Variants in UNC79 observed in about 807,000 individuals in gnomAD.
UNC79 encodes unc-79 subunit of NALCN channel complex.
Under a neutral mutation model 283.1 loss-of-function variants are expected in UNC79, and 37 were observed. That is an observed-to-expected ratio of 0.13 (90% CI 0.10 to 0.17). The LOEUF (loss-of-function observed/expected upper bound fraction) is 0.17. Among genes scored for constraint, UNC79 ranks in the 10% least tolerant of loss-of-function variants. The probability of loss-of-function intolerance (pLI) is 1.00; values close to 1 mark genes in which losing one functional copy is unlikely to be tolerated. For synonymous variants in UNC79, 1,107 were observed against 1,200.2 expected (o/e 0.92, Z 1.61); for missense variants, 2,272 against 3,211.1 (o/e 0.71, Z 7.07).
chr14:93,523,384 T>C (rs1447484035), intron 7 of UNC79, among the ~76,000 whole-genome samples: 1 of 152,194 alleles, frequency 6.6e-6, no homozygotes, highest in Non-Finnish European at 1.5e-5. Context: ...GAAATTAATC[T>C]TTCCAGTCTC....
intron 1 of UNC79, among the ~76,000 whole-genome samples, chr14:93,414,588 GA>G (rs1323878524): frequency 6.6e-6 from 1 of 152,044 alleles, no homozygotes; most frequent in Non-Finnish European, 1.5e-5. Context: ...GCTTGATGGG[GA>G]TGGCATTGAA....
At chr14:93,631,944 G>A (rs781029982) in intron 31 of UNC79, among the ~76,000 whole-genome samples, 29 of 152,172 alleles carry the variant, frequency 1.9e-4, no homozygotes, top group Non-Finnish European at 4.1e-4. Context: ...TCTATCATGT[G>A]CCAGGCACTG....
chr14:93,457,034 A>G (rs1435394832), intron 1 of UNC79, among the ~76,000 whole-genome samples: 1 of 152,186 alleles, frequency 6.6e-6, no homozygotes, highest in Non-Finnish European at 1.5e-5. Flanking sequence ...TGTTCTTCCT[A>G]TGAGTAGTAG....
chr14:93,476,936 T>C (rs2140349229), intron 3 of UNC79, among the ~76,000 whole-genome samples: 1 of 152,356 alleles, frequency 6.6e-6, no homozygotes, highest in Non-Finnish European at 1.5e-5. Flanking sequence ...TAAAACCTCC[T>C]AACAATCCTT....
intron 14 of UNC79, among the ~76,000 whole-genome samples, chr14:93,550,633 A>G (rs2141290704): frequency 6.6e-6 from 1 of 152,318 alleles, no homozygotes; most frequent in South Asian, 2.1e-4. Flanking sequence ...TAATTAGAAA[A>G]ACAAGGTTAC....
chr14:93,454,217 T>A (rs554921442), intron 1 of UNC79, among the ~76,000 whole-genome samples: 7 of 152,034 alleles, frequency 4.6e-5, no homozygotes, highest in South Asian at 2.1e-4. Flanking sequence ...ATTAAAAAAA[T>A]TTTATTTTGT....
chr14:93,622,694 G>A, exon 30 of UNC79: 1 of 1,614,216 alleles, frequency 6.2e-7, no homozygotes, highest in Non-Finnish European at 8.5e-7. Flanking sequence ...GAAGGTGGAA[G>A]AGGATGGAGC....
chr14:93,365,713 A>T (rs1057335489), intron 1 of UNC79, among the ~76,000 whole-genome samples: 1 of 152,160 alleles, frequency 6.6e-6, no homozygotes, highest in African/African-American at 2.4e-5. Flanking sequence ...CTTTAAGAGC[A>T]TAGAGAAAAG....
chr14:93,697,072 T>G (rs1222650750), intron 47 of UNC79, among the ~76,000 whole-genome samples: 5 of 152,232 alleles, frequency 3.3e-5, no homozygotes, highest in African/African-American at 1.2e-4. Flanking sequence ...AAAAATCAAA[T>G]AACTATACAA....
intron 14 of UNC79, among the ~76,000 whole-genome samples, chr14:93,543,917 ACT>A (rs2061488343): frequency 6.6e-6 from 1 of 152,098 alleles, no homozygotes; most frequent in Non-Finnish European, 1.5e-5. Flanking sequence ...GATTTTCAGG[ACT>A]CAGAGTGATC....
At chr14:93,702,275 CA>C (rs137939981) in intron 47 of UNC79, among the ~76,000 whole-genome samples, 3,946 of 152,132 alleles carry the variant, frequency 0.026, 68 homozygotes, top group South Asian at 0.062. Context: ...GGTTGGGGGA[CA>C]GGGGGAGGCA....
Position 93,540,936 on chromosome 14 carries a change from ATTAACC to A in UNC79, c.1524+109_1524+114del, listed in dbSNP as rs1283526065. The A allele has an allele frequency of 6.1e-6, 9 of 1,472,960 alleles. No individual in the cohort carries two copies. The African/African-American group carries it at 1.3e-4, about 21-fold the overall frequency. 91.2% of individuals were successfully genotyped at this position (1,472,960 alleles called of 1,614,324 possible). A position where few individuals can be genotyped will look rare whatever the true frequency, so the allele number is the denominator to read the frequency against. On this transcript the variant is annotated intron_variant, in intron 13 of 48. Transcript: ENST00000555664. Reference sequence around the variant, plus strand: ...TTTTAAAAGGAGTAAATAGTGAAAAATTAACCTTAGCAATGGGGCTGAAGCTATGGC... The same window carrying A: ...TTTTAAAAGGAGTAAATAGTGAAAAATTAGCAATGGGGCTGAAGCTATGGC...
At chr14:93,530,525 T>A (rs1206914001) in intron 10 of UNC79, among the ~76,000 whole-genome samples, 1 of 152,018 alleles carries the variant, frequency 6.6e-6, no homozygotes, top group African/African-American at 2.4e-5. Flanking sequence ...TGTGGGAGGA[T>A]CATTTAAGCC....
At chr14:93,469,062 G>C (rs2057366096) in intron 2 of UNC79, among the ~76,000 whole-genome samples, 1 of 152,192 alleles carries the variant, frequency 6.6e-6, no homozygotes, top group Non-Finnish European at 1.5e-5. Context: ...CAAAGCGAGA[G>C]ACACTTTTCA....
intron 20 of UNC79, among the ~76,000 whole-genome samples, chr14:93,582,905 G>T (rs375717451): frequency 8.0e-4 from 122 of 152,176 alleles, no homozygotes; most frequent in Non-Finnish European, 1.5e-3. Context: ...GTGACCCCAC[G>T]TGCCTCTGGG....
intron 26 of UNC79, among the ~76,000 whole-genome samples, chr14:93,610,207 G>A (rs547533211): frequency 6.6e-6 from 1 of 152,256 alleles, no homozygotes; most frequent in South Asian, 2.1e-4. Context: ...AAGGAAATGG[G>A]CAGGGTCCTA....
At chr14:93,618,236 G>A in exon 29 of UNC79, 2 of 1,613,848 alleles carry the variant, frequency 1.2e-6, no homozygotes, top group Non-Finnish European at 1.7e-6. Context: ...TGCTGCATCT[G>A]ATTCACATAA....
intron 1 of UNC79, among the ~76,000 whole-genome samples, chr14:93,408,941 A>G (rs1321094486): frequency 6.6e-6 from 1 of 152,240 alleles, no homozygotes; most frequent in Non-Finnish European, 1.5e-5. Flanking sequence ...TTCCTCAACC[A>G]CATCTATAAA....
intron 1 of UNC79, among the ~76,000 whole-genome samples, chr14:93,403,571 T>A (rs2055154415): frequency 6.6e-6 from 1 of 152,190 alleles, no homozygotes; most frequent in South Asian, 2.1e-4. Flanking sequence ...ACAAAAGCCA[T>A]GAGTCCTCAG....
Sources: allele counts gnomAD v4.1 joint callset (sites outside exome capture counted in the v4.1 genomes callset), GRCh38; gene constraint gnomAD v4.1.1; transcripts MANE v1.5; gene names NCBI Gene and HGNC (gene_info 2026-07-23, HGNC 2026-07-21).